FAM107B: variants seen among roughly 807,000 people sequenced by gnomAD.
FAM107B encodes family with sequence similarity 107 member B.
In FAM107B, 21 loss-of-function variants were observed where a neutral mutation model predicts 31.5. The observed-to-expected ratio is 0.67, with a 90% CI of 0.47 to 0.96. The LOEUF (loss-of-function observed/expected upper bound fraction) is 0.96. Among genes scored for constraint, FAM107B ranks in the 40% least tolerant of loss-of-function variants. FAM107B has a pLI of 0.00. For missense variants in FAM107B, 452 were observed against 377.1 expected, an observed-to-expected ratio of 1.20 and a Z score of -1.64; for synonymous variants, 157 against 141.5, an observed-to-expected ratio of 1.11 and a Z score of -0.78.
chr10:14,617,210 A>C (rs1296893057), intron 2 of FAM107B, among the ~76,000 whole-genome samples: 2 of 152,206 alleles, frequency 1.3e-5, no homozygotes, highest in East Asian at 3.9e-4. Flanking sequence ...ACTGTGAATG[A>C]AAGACTCAGG....
At chr10:14,550,679 T>C (rs966352116) in intron 2 of FAM107B, among the ~76,000 whole-genome samples, 1 of 152,198 alleles carries the variant, frequency 6.6e-6, no homozygotes, top group Non-Finnish European at 1.5e-5. Context: ...TTCATTTCTT[T>C]TGTTGTAACA....
intron 1 of FAM107B, among the ~76,000 whole-genome samples, chr10:14,672,276 C>T (rs1000184552): frequency 2.6e-5 from 4 of 151,956 alleles, no homozygotes; most frequent in East Asian, 1.9e-4. Flanking sequence ...TTAGTGGAGA[C>T]GGGATTTCAC....
At chr10:14,625,365 CTTCT>C (rs1320507673) in intron 2 of FAM107B, among the ~76,000 whole-genome samples, 1 of 151,972 alleles carries the variant, frequency 6.6e-6, no homozygotes, top group Non-Finnish European at 1.5e-5. Flanking sequence ...TTCGTTTCAT[CTTCT>C]TTGACTCTCT....
At chr10:14,753,864 A>G (rs369377640) in intron 1 of FAM107B, among the ~76,000 whole-genome samples, 3 of 151,614 alleles carry the variant, frequency 2.0e-5, no homozygotes, top group East Asian at 3.9e-4. Context: ...ATAAAATATA[A>G]CAAATACTAT....
intron 2 of FAM107B, among the ~76,000 whole-genome samples, chr10:14,629,605 C>T (rs1478099836): frequency 1.4e-5 from 2 of 146,278 alleles, no homozygotes; most frequent in East Asian, 2.0e-4. Context: ...CTCCGCCTCC[C>T]GGGTTCCAGC....
At chr10:14,668,894 G>A (rs992451898) in intron 1 of FAM107B, among the ~76,000 whole-genome samples, 2 of 152,178 alleles carry the variant, frequency 1.3e-5, no homozygotes, top group African/African-American at 4.8e-5. Context: ...GTATATGGGT[G>A]TAGGGTTCCA....
At chr10:14,755,577 T>C (rs1022964212) in intron 1 of FAM107B, among the ~76,000 whole-genome samples, 3 of 151,990 alleles carry the variant, frequency 2.0e-5, no homozygotes, top group African/African-American at 7.2e-5. Context: ...CACACCATCA[T>C]CCTCAATTTA....
At chr10:14,522,995 A>G (rs1018096678) in intron 3 of FAM107B, among the ~76,000 whole-genome samples, 1 of 152,166 alleles carries the variant, frequency 6.6e-6, no homozygotes, top group East Asian at 1.9e-4. Flanking sequence ...CATTTCTGAG[A>G]GATAAATTAG....
intron 1 of FAM107B, among the ~76,000 whole-genome samples, chr10:14,680,938 C>A (rs1854819173): frequency 6.6e-6 from 1 of 152,166 alleles, no homozygotes. Flanking sequence ...GCACCCCACT[C>A]CAGCCATCAT....
At chr10:14,588,467 G>A (rs550992961) in intron 2 of FAM107B, among the ~76,000 whole-genome samples, 1 of 152,194 alleles carries the variant, frequency 6.6e-6, no homozygotes, top group Non-Finnish European at 1.5e-5. Context: ...CCACGTGAAA[G>A]TCTCCCTGGA....
chr10:14,766,165 C>T (rs995111229), intron 1 of FAM107B, among the ~76,000 whole-genome samples: 6 of 152,194 alleles, frequency 3.9e-5, no homozygotes, highest in Admixed American at 2.6e-4. Flanking sequence ...GTCTCTCAGA[C>T]ACCCAATTTC....
intron 2 of FAM107B, among the ~76,000 whole-genome samples, chr10:14,623,004 C>T (rs894264372): frequency 1.3e-5 from 2 of 152,156 alleles, no homozygotes; most frequent in Non-Finnish European, 2.9e-5. Context: ...AGTAAAGCAT[C>T]CTTCTTGACT....
intron 2 of FAM107B, among the ~76,000 whole-genome samples, chr10:14,630,341 C>T (rs1265389296): frequency 2.0e-5 from 3 of 149,018 alleles, no homozygotes; most frequent in Non-Finnish European, 1.5e-5. Flanking sequence ...CAAGATTTAC[C>T]AAAGTGATCA....
At position 14,754,367 on chromosome 10, in the gene FAM107B, C is replaced by T. The variant is rs114065228; in HGVS notation, c.411+19886G>A. Among the ~76,000 whole-genome samples, 922 of 152,268 alleles carry T rather than the reference C, an allele frequency of 6.1e-3. 10 individuals carry two copies. Among genetic ancestry groups the T allele is most frequent in the African/African-American group, 0.02 (826 of 41,550 alleles). On this transcript the variant is annotated intron_variant, in intron 1 of 4. Coordinates refer to ENST00000181796, the MANE Select transcript of FAM107B (RefSeq NM_031453.4). ...GAATGGCAATGTGCTATGGGAAAGA[C>T]TTCGTCACTCCCAGCTCCAGAGGTG...
chr10:14,691,959 G>A (rs1220960390), intron 1 of FAM107B, among the ~76,000 whole-genome samples: 2 of 151,356 alleles, frequency 1.3e-5, no homozygotes, highest in Non-Finnish European at 2.9e-5. Context: ...CATCTGGAGC[G>A]AAGACCCCAT....
At chr10:14,657,127 T>C (rs577475055) in intron 2 of FAM107B, among the ~76,000 whole-genome samples, 1 of 152,186 alleles carries the variant, frequency 6.6e-6, no homozygotes, top group Non-Finnish European at 1.5e-5. Flanking sequence ...TCATTTTAGG[T>C]ATTTTTGTAT....
At chr10:14,628,589 T>C (rs1330935066) in intron 2 of FAM107B, among the ~76,000 whole-genome samples, 1 of 152,234 alleles carries the variant, frequency 6.6e-6, no homozygotes, top group Non-Finnish European at 1.5e-5. Context: ...ATTGGTTCTT[T>C]GGTGGGTAAA....
At chr10:14,600,028 A>G (rs1413216881) in intron 2 of FAM107B, among the ~76,000 whole-genome samples, 1 of 152,150 alleles carries the variant, frequency 6.6e-6, no homozygotes, top group Non-Finnish European at 1.5e-5. Flanking sequence ...CTTTTTCTGC[A>G]TCTCTCTCCC....
At chr10:14,581,880 A>C (rs536556501) in intron 2 of FAM107B, among the ~76,000 whole-genome samples, 2 of 152,318 alleles carry the variant, frequency 1.3e-5, no homozygotes, top group African/African-American at 4.8e-5. Context: ...TGTACTCCAG[A>C]CTGGGTAACA....
Sources: allele counts gnomAD v4.1 joint callset (sites outside exome capture counted in the v4.1 genomes callset), GRCh38; gene constraint gnomAD v4.1.1; transcripts MANE v1.5; gene names NCBI Gene and HGNC (gene_info 2026-07-23, HGNC 2026-07-21).